RHEB: variants seen among roughly 807,000 people sequenced by gnomAD.
RHEB encodes Ras homolog, mTORC1 binding.
In RHEB, 2 loss-of-function variants were observed where a neutral mutation model predicts 28.8. That is an observed-to-expected ratio of 0.07 (90% CI 0.03 to 0.22). The LOEUF is 0.22. Among genes scored for constraint, RHEB ranks in the 10% least tolerant of loss-of-function variants. RHEB has a pLI of 1.00. For missense variants in RHEB, 76 were observed against 219.9 expected (o/e 0.35, Z 4.14); for synonymous variants, 69 against 77.3 (o/e 0.89, Z 0.56).
At position 151,516,781 on chromosome 7, in the gene RHEB, G is replaced by A. The variant is rs1208185400; in HGVS notation, c.52+2679C>T. Among the ~76,000 whole-genome samples the A allele has an allele frequency of 4.6e-5, 7 of 152,188 alleles. No individual in the cohort carries two copies. In the South Asian group the frequency reaches 1.2e-3, roughly 27 times the overall value. On this transcript the variant is annotated intron_variant, in intron 1 of 7. Coordinates refer to ENST00000262187, the MANE Select transcript of RHEB (RefSeq NM_005614.4). ...ACTGGCTTAATGTATTTAATCAAGA[G>A]AACATTCTAAGAAAGGTGTGGAGGC...
intron 1 of RHEB, among the ~76,000 whole-genome samples, chr7:151,493,767 ACCATGTTATATATGCTAG>A (rs1433308739): frequency 6.6e-6 from 1 of 152,224 alleles, no homozygotes; most frequent in Admixed American, 6.5e-5. Context: ...TTGAAAAGAA[ACCATGTTATATATGCTAG>A]CCTGTAAAGG....
chr7:151,484,317 T>C (rs2150926210), intron 3 of RHEB, among the ~76,000 whole-genome samples: 2 of 152,300 alleles, frequency 1.3e-5, no homozygotes, highest in South Asian at 4.1e-4. Context: ...AGAAAACCAC[T>C]ATCCTGTAAT....
rs1802172404 is a variant in RHEB at position 151,472,129 on chromosome 7, C to G, written c.276-524G>C. 1 of 152,458 alleles carries G rather than the reference C, an allele frequency of 6.6e-6. No homozygotes were observed. Among genetic ancestry groups the G allele is most frequent in the African/African-American group, 2.4e-5 (1 of 41,446 alleles). 9.4% of individuals were successfully genotyped at this position (152,458 alleles called of 1,614,324 possible). On this transcript the variant is annotated intron_variant, in intron 4 of 7. Coordinates refer to ENST00000262187, the MANE Select transcript of RHEB (RefSeq NM_005614.4). This position sits in a 1 kb window ranked among gnomAD's most constrained non-coding sequence, Gnocchi z 5.2. ...AATGATCACTTGAAATCTGCCACAGCAGGATTATTTATACCACTGACTGCT... is the reference window on the plus strand; with the variant it reads ...AATGATCACTTGAAATCTGCCACAGGAGGATTATTTATACCACTGACTGCT...
intron 1 of RHEB, among the ~76,000 whole-genome samples, chr7:151,507,390 T>TAC (rs3831737): frequency 2.0e-5 from 3 of 147,372 alleles, no homozygotes; most frequent in Admixed American, 6.7e-5. Flanking sequence ...CTATGTATAT[T>TAC]ACACACACAC....
chr7:151,515,728 G>A (rs1258095911), intron 1 of RHEB, among the ~76,000 whole-genome samples: 1 of 152,158 alleles, frequency 6.6e-6, no homozygotes, highest in Admixed American at 6.5e-5. Flanking sequence ...AATCTGCTGG[G>A]AACAACCAAA....
At chr7:151,484,094 C>T (rs1802425306) in intron 3 of RHEB, among the ~76,000 whole-genome samples, 1 of 152,092 alleles carries the variant, frequency 6.6e-6, no homozygotes, top group Non-Finnish European at 1.5e-5. Context: ...AAACTAAAGC[C>T]AACACTCAAA....
chr7:151,496,073 T>C (rs1802667182), intron 1 of RHEB, among the ~76,000 whole-genome samples: 1 of 152,206 alleles, frequency 6.6e-6, no homozygotes, highest in African/African-American at 2.4e-5. Flanking sequence ...GGGGAGTCCA[T>C]TAGAACCGAT....
In RHEB at chr7:151,466,199, T is replaced by C. The variant is rs1802057611; in HGVS notation, c.*920A>G. Reference sequence around the variant, plus strand: ...AATCCCTCTTCTCCTTTACAGCTGCTCCTTGGACAGAGGGAGGCCCGTCAT... The same window carrying C: ...AATCCCTCTTCTCCTTTACAGCTGCCCCTTGGACAGAGGGAGGCCCGTCAT... On this transcript the variant is annotated 3_prime_UTR_variant, in exon 8 of 8. Transcript: ENST00000262187. 1 of 152,224 alleles carries C rather than the reference T, an allele frequency of 6.6e-6. No individual in the cohort carries two copies. Among genetic ancestry groups the C allele is most frequent in the African/African-American group, 2.4e-5 (1 of 41,446 alleles). 9.4% of individuals were successfully genotyped at this position (152,224 alleles called of 1,614,324 possible). A position where few individuals can be genotyped will look rare whatever the true frequency, so the allele number is the denominator to read the frequency against.
At chr7:151,496,928 G>A (rs371169822) in intron 1 of RHEB, among the ~76,000 whole-genome samples, 7 of 150,240 alleles carry the variant, frequency 4.7e-5, no homozygotes, top group Non-Finnish European at 8.9e-5. Flanking sequence ...TACAGGCACC[G>A]ACCACCACAC....
rs904880156 is a variant in RHEB at position 151,519,295 on chromosome 7, C to A, written c.52+165G>T. 7.9e-6 allele frequency: 3 copies of A among 379,184 alleles called. No individual in the cohort carries two copies. The East Asian group carries it at 1.8e-4, about 23-fold the overall frequency. The allele number at this position is 379,184 out of a possible 1,614,324, so 23.5% of individuals were successfully genotyped here. ...TCCTCCACCGGCGCGGACGCCGCCC[C>A]GACCGCCACCACCTCCGCTCAGAAT... is the stretch of plus-strand genomic sequence containing the variant. On this transcript the variant is annotated intron_variant, in intron 1 of 7. Transcript: ENST00000262187.
At chr7:151,508,346 T>C (rs1474491236) in intron 1 of RHEB, among the ~76,000 whole-genome samples, 1 of 152,358 alleles carries the variant, frequency 6.6e-6, no homozygotes, top group East Asian at 1.9e-4. Context: ...TCTTAAAATC[T>C]GCGCTGACCT....
rs376585201 is a variant in RHEB, at chr7:151,487,146, T to C, written c.125-2342A>G. ...CAGGGAGACCCAATCTCCACAAAAA[T>C]GGAAAAACTGCTCCAGCGTGGTGGC... On this transcript the variant is annotated intron_variant, in intron 2 of 7. Coordinates refer to ENST00000262187, the MANE Select transcript of RHEB (RefSeq NM_005614.4). 5.3e-5 allele frequency among the ~76,000 whole-genome samples: 8 copies of C among 152,232 alleles called. No individual in the cohort carries two copies. The East Asian group carries it at 1.4e-3, about 26-fold the overall frequency.
chr7:151,475,933 G>C (rs937132473), intron 4 of RHEB, among the ~76,000 whole-genome samples: 1 of 152,068 alleles, frequency 6.6e-6, no homozygotes, highest in Non-Finnish European at 1.5e-5. Context: ...CTAAAACAAA[G>C]ACCAGAAAAA....
intron 1 of RHEB, among the ~76,000 whole-genome samples, chr7:151,515,827 C>T (rs984702231): frequency 6.6e-6 from 1 of 152,198 alleles, no homozygotes; most frequent in African/African-American, 2.4e-5. Context: ...GCTGAATTGC[C>T]TTCTTCCAAA....
chr7:151,515,591 G>A (rs1192835966), intron 1 of RHEB, among the ~76,000 whole-genome samples: 1 of 152,126 alleles, frequency 6.6e-6, no homozygotes, highest in Non-Finnish European at 1.5e-5. Flanking sequence ...AGAATATTAA[G>A]CACCTGAATA....
At position 151,466,786 on chromosome 7, in the gene RHEB, A is replaced by G. The variant is rs1306487613; in HGVS notation, c.*333T>C. Reference sequence around the variant, plus strand: ...ACACTGATATACTGAAGCCTAGTTAATAGTAGTGTAACAATATGCATCATT... The same window carrying G: ...ACACTGATATACTGAAGCCTAGTTAGTAGTAGTGTAACAATATGCATCATT... On this transcript the variant is annotated 3_prime_UTR_variant, in exon 8 of 8. Coordinates refer to ENST00000262187, the MANE Select transcript of RHEB (RefSeq NM_005614.4). 1.3e-5 allele frequency: 3 copies of G among 230,100 alleles called. No homozygotes were observed. The highest frequency in any genetic ancestry group is 2.6e-5 in the Non-Finnish European group (3 of 117,202). 14.3% of individuals were successfully genotyped at this position (230,100 alleles called of 1,614,324 possible).
intron 1 of RHEB, among the ~76,000 whole-genome samples, chr7:151,491,691 T>C (rs1468703377): frequency 1.3e-5 from 2 of 151,766 alleles, no homozygotes; most frequent in African/African-American, 2.4e-5. Flanking sequence ...GGGCCAAGAT[T>C]GCACCACTGC....
chr7:151,517,942 A>G lies in RHEB; in HGVS notation c.52+1518T>C, dbSNP rs190044582. The stretch of plus-strand genomic sequence containing the variant: ...AGAGCCAGAACACCTCGCGGTCCCA[A>G]CTCCTCAAAATGCAGAGGAGGAAAT... On this transcript the variant is annotated intron_variant, in intron 1 of 7. Transcript: ENST00000262187. The G allele has an allele frequency of 6.6e-5, 10 of 152,308 alleles. No individual in the cohort carries two copies. The East Asian group carries it at 1.9e-3, about 29-fold the overall frequency. The allele number at this position is 152,308 out of a possible 1,614,324, so 9.4% of individuals were successfully genotyped here.
At chr7:151,481,066 C>G (rs111397311) in intron 3 of RHEB, among the ~76,000 whole-genome samples, 2,028 of 152,048 alleles carry the variant, frequency 0.013, 72 homozygotes, top group East Asian at 0.13. Flanking sequence ...ATAAATAACT[C>G]CCACAAGCTT....
Sources: allele counts gnomAD v4.1 joint callset (sites outside exome capture counted in the v4.1 genomes callset), GRCh38; gene constraint gnomAD v4.1.1; non-coding constraint Gnocchi (gnomAD v3.1); transcripts MANE v1.5; gene names NCBI Gene and HGNC (gene_info 2026-07-23, HGNC 2026-07-21).